S100A8: variants seen among roughly 807,000 people sequenced by gnomAD.
The protein encoded by S100A8 is protein S100-A8.
Under a neutral mutation model 4.2 loss-of-function variants are expected in S100A8, and 1 was observed. The ratio of observed to expected loss-of-function variants is 0.24; its 90% CI spans 0.08 to 1.12. S100A8 has a LOEUF of 1.12. Ranked by LOEUF, S100A8 falls within the 50% of genes most tolerant of loss-of-function variation. The pLI is 0.53. For synonymous variants in S100A8, 41 were observed against 44.7 expected, an observed-to-expected ratio of 0.92 and a Z score of 0.33; for missense variants, 96 against 111.8, an observed-to-expected ratio of 0.86 and a Z score of 0.64.
At chr1:153,404,358 A>G in the S100A8 span, among the ~76,000 whole-genome samples, 1 of 152,080 alleles carries the variant, frequency 6.6e-6, no homozygotes, top group African/African-American at 2.4e-5. Context: ...CAGCCCTCTA[A>G]TCACATGGTT....
the S100A8 span, chr1:153,417,912 TGAACAAC>T: frequency 1.0e-6 from 1 of 958,474 alleles, no homozygotes. Context: ...CTCTCATTTT[TGAACAAC>T]TTATCCCATC....
chr1:153,407,917 G>A, the S100A8 span, among the ~76,000 whole-genome samples: 2 of 152,218 alleles, frequency 1.3e-5, no homozygotes, highest in South Asian at 2.1e-4. Context: ...CTGACTGTTA[G>A]AAGGAAAACT....
the S100A8 span, among the ~76,000 whole-genome samples, chr1:153,418,634 T>C: frequency 6.6e-6 from 1 of 151,956 alleles, no homozygotes; most frequent in East Asian, 1.9e-4. Context: ...CTCTTTGCAA[T>C]AAAGAAAACT....
the S100A8 span, among the ~76,000 whole-genome samples, chr1:153,415,810 C>A: frequency 0.013 from 2,030 of 152,236 alleles, 24 homozygotes; most frequent in Non-Finnish European, 0.022. Context: ...AGGGGCTGAC[C>A]AATGGTTAGC....
At chr1:153,408,225 T>C in the S100A8 span, among the ~76,000 whole-genome samples, 1 of 151,978 alleles carries the variant, frequency 6.6e-6, no homozygotes, top group Non-Finnish European at 1.5e-5. Flanking sequence ...CTAAAAACTT[T>C]GAAAAAAAGA....
chr1:153,391,309 G>A (rs909977809), upstream of S100A8: 19 of 590,906 alleles, frequency 3.2e-5, no homozygotes, highest in Non-Finnish European at 4.0e-5. Flanking sequence ...CAGGTAGGGG[G>A]GCTCTTTTTC....
At chr1:153,405,084 C>T in the S100A8 span, among the ~76,000 whole-genome samples, 14 of 151,658 alleles carry the variant, frequency 9.2e-5, no homozygotes, top group Admixed American at 2.0e-4. Context: ...TTCCTGGAGT[C>T]CCCCCCACCC....
the S100A8 span, among the ~76,000 whole-genome samples, chr1:153,400,341 G>T: frequency 6.6e-6 from 1 of 152,094 alleles, no homozygotes; most frequent in Admixed American, 6.5e-5. Flanking sequence ...GATGCTACCT[G>T]GGCCCCTGAG....
At chr1:153,402,222 A>T in the S100A8 span, among the ~76,000 whole-genome samples, 557 of 152,324 alleles carry the variant, frequency 3.7e-3, 1 homozygote, top group Non-Finnish European at 5.2e-3. Context: ...CATGGGCTTT[A>T]CATCCACCCA....
At chr1:153,402,139 G>A in the S100A8 span, among the ~76,000 whole-genome samples, 2 of 152,204 alleles carry the variant, frequency 1.3e-5, no homozygotes, top group African/African-American at 4.8e-5. Context: ...TGCTTCTGTA[G>A]GACCAGGAGG....
chr1:153,409,370 C>T, the S100A8 span, among the ~76,000 whole-genome samples: 12 of 152,092 alleles, frequency 7.9e-5, no homozygotes, highest in South Asian at 2.1e-4. Context: ...AAAGAACAGA[C>T]GCGACAAAGA....
chr1:153,412,049 A>T, the S100A8 span, among the ~76,000 whole-genome samples: 1 of 152,224 alleles, frequency 6.6e-6, no homozygotes, highest in Non-Finnish European at 1.5e-5. Context: ...AACCTAGGCA[A>T]TACCATTCAG....
chr1:153,402,702 T>C, the S100A8 span, among the ~76,000 whole-genome samples: 1 of 152,210 alleles, frequency 6.6e-6, no homozygotes, highest in African/African-American at 2.4e-5. Context: ...CTCCCAAACG[T>C]AACCTATAGA....
the S100A8 span, among the ~76,000 whole-genome samples, chr1:153,410,055 T>C: frequency 6.8e-3 from 1,030 of 152,016 alleles, 14 homozygotes; most frequent in African/African-American, 0.023. Flanking sequence ...CACCCTAACA[T>C]CACAATTAAA....
the S100A8 span, chr1:153,421,110 C>A: frequency 6.6e-6 from 1 of 152,218 alleles, no homozygotes; most frequent in Admixed American, 6.5e-5. Context: ...AACATACCCC[C>A]CATCAATATA....
At chr1:153,402,288 A>G in the S100A8 span, among the ~76,000 whole-genome samples, 17 of 152,226 alleles carry the variant, frequency 1.1e-4, no homozygotes, top group African/African-American at 4.1e-4. Flanking sequence ...CAATTACAGG[A>G]GCATGCTGGG....
the S100A8 span, chr1:153,419,472 T>C: frequency 1.3e-6 from 1 of 784,364 alleles, no homozygotes. Context: ...ATCCAGTGGG[T>C]CACCCAGGAG....
At chr1:153,415,880 C>T in the S100A8 span, among the ~76,000 whole-genome samples, 98 of 152,284 alleles carry the variant, frequency 6.4e-4, no homozygotes, top group Admixed American at 2.2e-3. Context: ...GACCCTGATG[C>T]AACCCAAGAC....
the S100A8 span, among the ~76,000 whole-genome samples, chr1:153,406,984 T>C: frequency 1.3e-5 from 2 of 152,204 alleles, no homozygotes; most frequent in Non-Finnish European, 2.9e-5. Context: ...ATATGTTTGA[T>C]ATTTTTGGAG....
Sources: allele counts gnomAD v4.1 joint callset (sites outside exome capture counted in the v4.1 genomes callset), GRCh38; gene constraint gnomAD v4.1.1; transcripts MANE v1.5; gene names NCBI Gene and HGNC (gene_info 2026-07-23, HGNC 2026-07-21).